Variants in GABBR2 observed in about 807,000 individuals in gnomAD.
GABBR2 encodes the protein gamma-aminobutyric acid type B receptor subunit 2, also known as G-protein coupled receptor 51.
In GABBR2, 23 loss-of-function variants were observed where a neutral mutation model predicts 105.6. The observed-to-expected ratio is 0.22, with a 90% CI of 0.16 to 0.31. The LOEUF (loss-of-function observed/expected upper bound fraction) is 0.31, where lower values mean the gene tolerates loss of function less well. GABBR2 is among the 10% of genes least tolerant of loss of function. GABBR2 has a pLI of 1.00. For synonymous variants in GABBR2, 478 were observed against 499.7 expected (o/e 0.96, Z 0.58); for missense variants, 734 against 1,245.5 (o/e 0.59, Z 6.18).
In GABBR2 at chr9:98,578,088, TAGAA is replaced by T. The variant is rs1564120245; in HGVS notation, c.322-20_322-17del. 3 of 1,612,888 alleles carry T rather than the reference TAGAA, an allele frequency of 1.9e-6. No individual in the cohort carries two copies. The highest frequency in any genetic ancestry group is 1.7e-6 in the Non-Finnish European group (2 of 1,179,634). On this transcript the variant is annotated splice_polypyrimidine_tract_variant and intron_variant, in intron 1 of 18. Coordinates refer to ENST00000259455, the MANE Select transcript of GABBR2 (RefSeq NM_005458.8). ...CGTTGTCGCACTGGGAAGCAACACA[TAGAA>T]AGAAAGGTCCAAATTAGAAACAGCT...
intron 3 of GABBR2, among the ~76,000 whole-genome samples, chr9:98,514,019 G>A (rs921060132): frequency 1.1e-4 from 16 of 151,334 alleles, no homozygotes; most frequent in African/African-American, 2.7e-4. Flanking sequence ...AATATCCAAC[G>A]ATAGACTGGA....
At chr9:98,558,662 C>T (rs1055015028) in intron 2 of GABBR2, among the ~76,000 whole-genome samples, 4 of 152,184 alleles carry the variant, frequency 2.6e-5, no homozygotes, top group Admixed American at 2.0e-4. Context: ...GCAAACATGA[C>T]CACTCACATC....
rs2131591249 is a variant in GABBR2 at position 98,444,794 on chromosome 9, A to C, written c.1236+9187T>G. Among the ~76,000 whole-genome samples the C allele has an allele frequency of 1.3e-5, 2 of 152,300 alleles. 1 individual carries two copies. Among genetic ancestry groups the C allele is most frequent in the South Asian group, 4.1e-4 (2 of 4,824 alleles). ...GAAACGAGAGATTGAGAGGGGAGTA[A>C]GGGATGAGTTTTTATGCTGCCTCAG... On this transcript the variant is annotated intron_variant, in intron 7 of 18. Transcript: ENST00000259455.
At chr9:98,596,958 C>T (rs1236529503) in intron 1 of GABBR2, among the ~76,000 whole-genome samples, 4 of 152,178 alleles carry the variant, frequency 2.6e-5, no homozygotes, top group Admixed American at 2.6e-4. Context: ...AGGCGACTAC[C>T]TCGAAGCTTT....
chr9:98,704,917 T>C (rs1281109035), intron 1 of GABBR2, among the ~76,000 whole-genome samples: 1 of 150,594 alleles, frequency 6.6e-6, no homozygotes, highest in Non-Finnish European at 1.5e-5. Flanking sequence ...CACTGCAGTC[T>C]GGCTTGAGCA....
intron 5 of GABBR2, among the ~76,000 whole-genome samples, chr9:98,476,236 G>A (rs1392961740): frequency 6.6e-6 from 1 of 152,216 alleles, no homozygotes; most frequent in Admixed American, 6.5e-5. Context: ...AGCTCTGACA[G>A]TTCTTCAACC....
At chr9:98,508,948 T>C (rs955757862) in intron 3 of GABBR2, among the ~76,000 whole-genome samples, 4 of 152,122 alleles carry the variant, frequency 2.6e-5, no homozygotes, top group African/African-American at 9.7e-5. Context: ...CAGCTGGAGA[T>C]GTGACAATGG....
intron 7 of GABBR2, among the ~76,000 whole-genome samples, chr9:98,420,877 A>G (rs1251777985): frequency 6.6e-6 from 1 of 152,204 alleles, no homozygotes; most frequent in Non-Finnish European, 1.5e-5. Flanking sequence ...GTGGCAGAAG[A>G]GAGATAAAGC....
At chr9:98,630,205 A>C (rs1457280414) in intron 1 of GABBR2, among the ~76,000 whole-genome samples, 1 of 152,202 alleles carries the variant, frequency 6.6e-6, no homozygotes, top group Non-Finnish European at 1.5e-5. Flanking sequence ...CTGGGTGAGA[A>C]GCATCCAGAG....
chr9:98,572,223 G>A (rs1828842893), intron 2 of GABBR2, among the ~76,000 whole-genome samples: 2 of 152,196 alleles, frequency 1.3e-5, no homozygotes, highest in African/African-American at 4.8e-5. Flanking sequence ...CTCACATCAC[G>A]ACTAAAACAA....
chr9:98,406,722 C>A (rs1427330956), intron 7 of GABBR2, among the ~76,000 whole-genome samples: 1 of 152,216 alleles, frequency 6.6e-6, no homozygotes, highest in Non-Finnish European at 1.5e-5. Context: ...GCCAGCGAGA[C>A]CTGACTAGTG....
At chr9:98,707,592 G>C (rs1007462133) in intron 1 of GABBR2, 1 of 152,508 alleles carries the variant, frequency 6.6e-6, no homozygotes, top group African/African-American at 2.4e-5. Flanking sequence ...CTCTGGCTCC[G>C]CTCCGGACTG....
At chr9:98,414,786 A>T (rs1319818165) in intron 7 of GABBR2, among the ~76,000 whole-genome samples, 1 of 152,148 alleles carries the variant, frequency 6.6e-6, no homozygotes, top group Non-Finnish European at 1.5e-5. Context: ...GGCCTGGACC[A>T]TGAAAACCTC....
At chr9:98,444,881 A>ACGCG (rs1826098282) in intron 7 of GABBR2, among the ~76,000 whole-genome samples, 1 of 32,848 alleles carries the variant, frequency 3.0e-5, no homozygotes, top group Non-Finnish European at 8.4e-5. Flanking sequence ...GCGCGCGCGC[A>ACGCG]CACACACACA....
chr9:98,466,595 C>G (rs1247372692), intron 6 of GABBR2, among the ~76,000 whole-genome samples: 1 of 151,828 alleles, frequency 6.6e-6, no homozygotes, highest in African/African-American at 2.4e-5. Flanking sequence ...TGTTGAGCAC[C>G]TACTATGTGT....
chr9:98,596,025 T>C (rs1829229522), intron 1 of GABBR2, among the ~76,000 whole-genome samples: 3 of 152,230 alleles, frequency 2.0e-5, no homozygotes, highest in South Asian at 4.1e-4. Flanking sequence ...GCCCCTTCCA[T>C]GGGCTGAGCC....
Position 98,306,137 on chromosome 9 carries a change from A to C in GABBR2, c.2213T>G (p.Leu738Arg). Residue 738 changes from leucine (L) to arginine (R), a missense_variant, in exon 15 of 19, where the codon CTG becomes CGG. By Grantham distance (102) the Leu-to-Arg change is moderately radical. This residue lies in a region of GABBR2 where 91 missense variants were observed against 185.9 expected (regional missense o/e 0.49). Transcript: ENST00000259455. The surrounding 1 kb of genome is among the most constrained non-coding windows in gnomAD (Gnocchi z 5.4). The part of the protein sequence containing the change: ...IIFCSTITLC[L>R]VFVPKLITLR... ...CGCCTGTACCTTCGGCACGAATACC[A>C]GGCAGAGGGTGATGGTGCTGCAGAA... 1 of 1,613,814 alleles carries C rather than the reference A, an allele frequency of 6.2e-7. No homozygotes were observed. The highest frequency in any genetic ancestry group is 8.5e-7 in the Non-Finnish European group (1 of 1,179,708).
At chr9:98,480,113 C>T (rs769339226) in intron 5 of GABBR2, among the ~76,000 whole-genome samples, 11 of 152,252 alleles carry the variant, frequency 7.2e-5, no homozygotes, top group African/African-American at 2.2e-4. Context: ...CCAGACACTA[C>T]GCCTAGAATG....
chr9:98,490,570 C>T (rs1024111098), intron 4 of GABBR2, among the ~76,000 whole-genome samples: 15 of 152,312 alleles, frequency 9.8e-5, no homozygotes, highest in Admixed American at 5.2e-4. Context: ...CCAGAGCACC[C>T]GGATTGAACT....
Sources: gnomAD v4.1 joint callset for allele counts (sites outside exome capture counted in the v4.1 genomes callset) on GRCh38, gnomAD v4.1.1 for gene constraint, gnomAD v4.1.1 regional missense constraint, Gnocchi (gnomAD v3.1) non-coding constraint, MANE v1.5 for transcripts, NCBI Gene and HGNC (gene_info 2026-07-23, HGNC 2026-07-21) for gene names.